PELI2: variants seen among roughly 807,000 people sequenced by gnomAD.
PELI2 encodes the protein E3 ubiquitin-protein ligase pellino homolog 2.
A neutral mutation model predicts 42.3 loss-of-function variants in PELI2; 23 were observed. The observed-to-expected ratio is 0.54, with a 90% CI of 0.39 to 0.77. The LOEUF (loss-of-function observed/expected upper bound fraction) is 0.77, where lower values mean the gene tolerates loss of function less well. Ranked by LOEUF, PELI2 falls within the 30% of genes least tolerant of loss-of-function variation. The pLI, the probability that PELI2 is intolerant of heterozygous loss-of-function variation, is 0.00. For missense variants in PELI2, 463 were observed against 553.2 expected (o/e 0.84, Z 1.64); for synonymous variants, 245 against 212.2 (o/e 1.15, Z -1.34).
chr14:56,208,820 C>G (rs963502322), intron 2 of PELI2, among the ~76,000 whole-genome samples: 2 of 152,114 alleles, frequency 1.3e-5, no homozygotes, highest in Non-Finnish European at 2.9e-5. Flanking sequence ...TCATAGAAAA[C>G]CATTTTTACC....
At chr14:56,258,826 A>G (rs550185075) in intron 2 of PELI2, among the ~76,000 whole-genome samples, 89 of 152,246 alleles carry the variant, frequency 5.8e-4, no homozygotes, top group Admixed American at 1.8e-3. Context: ...TTTTTCAAAT[A>G]TGATGAAAAT....
intron 2 of PELI2, among the ~76,000 whole-genome samples, chr14:56,253,433 A>C (rs1192200937): frequency 2.6e-5 from 4 of 152,192 alleles, no homozygotes; most frequent in Non-Finnish European, 4.4e-5. Flanking sequence ...AGATGACATG[A>C]TTGTATATTT....
intron 3 of PELI2, 21 bp downstream of exon 3, chr14:56,279,798 T>TA: frequency 7.9e-7 from 1 of 1,266,228 alleles, no homozygotes; most frequent in Non-Finnish European, 1.1e-6. Flanking sequence ...TCTTTTTTAA[T>TA]AGAAATTTTA....
intron 2 of PELI2, among the ~76,000 whole-genome samples, chr14:56,211,586 C>G (rs1212039682): frequency 6.6e-6 from 1 of 152,100 alleles, no homozygotes; most frequent in Non-Finnish European, 1.5e-5. Flanking sequence ...AGTCATAGTA[C>G]TTGTCATCAA....
At position 56,152,944 on chromosome 14, in the gene PELI2, T is replaced by C. The variant is rs183303965; in HGVS notation, c.78-25391T>C. 1.8e-3 allele frequency among the ~76,000 whole-genome samples: 276 copies of C among 152,334 alleles called. 3 individuals are homozygous for C. Among genetic ancestry groups the C allele is most frequent in the African/African-American group, 6.3e-3 (264 of 41,584 alleles). On this transcript the variant is annotated intron_variant, in intron 1 of 5. Coordinates refer to ENST00000267460, the MANE Select transcript of PELI2 (RefSeq NM_021255.3). ...CAAGACATCATCCCATGTCTTCGTC[T>C]GGTGAGGTGGGCTTTGTGGTACTGT...
chr14:56,260,748 CTT>C (rs1038647156), intron 2 of PELI2, among the ~76,000 whole-genome samples: 2 of 152,208 alleles, frequency 1.3e-5, no homozygotes, highest in Non-Finnish European at 1.5e-5. Flanking sequence ...CGAACACACT[CTT>C]TTTCTGAAGT....
intron 2 of PELI2, among the ~76,000 whole-genome samples, chr14:56,193,654 T>TA (rs1375928078): frequency 2.0e-5 from 3 of 152,358 alleles, no homozygotes; most frequent in East Asian, 3.9e-4. Context: ...TTTATAGGTT[T>TA]AAAAAATCCA....
chr14:56,268,458 G>C (rs1404091728), intron 2 of PELI2, among the ~76,000 whole-genome samples: 2 of 152,138 alleles, frequency 1.3e-5, no homozygotes, highest in African/African-American at 4.8e-5. Flanking sequence ...TCTTCTTACA[G>C]GAGACTACGG....
chr14:56,205,509 A>C (rs893067625), intron 2 of PELI2, among the ~76,000 whole-genome samples: 1 of 152,184 alleles, frequency 6.6e-6, no homozygotes, highest in African/African-American at 2.4e-5. Flanking sequence ...GGACTGAAGA[A>C]GCATGAAATC....
intron 2 of PELI2, among the ~76,000 whole-genome samples, chr14:56,224,482 C>T (rs901419167): frequency 6.6e-6 from 1 of 152,194 alleles, no homozygotes; most frequent in Non-Finnish European, 1.5e-5. Flanking sequence ...AGAAACTTAG[C>T]TGGTAAAATT....
intron 2 of PELI2, among the ~76,000 whole-genome samples, chr14:56,277,285 C>T (rs1259402531): frequency 2.0e-5 from 3 of 152,098 alleles, no homozygotes; most frequent in Admixed American, 1.3e-4. Flanking sequence ...TGAACTCCGC[C>T]TCCTGTCAGA....
rs1889656122 is a variant in PELI2, at chr14:56,286,716, G to T, written c.310-1721G>T. The stretch of plus-strand genomic sequence containing the variant: ...CATTGAGTGATTTTTCAGCAGGAAA[G>T]TGACTTAGTTTTGTTTTTTTGTTGT... On this transcript the variant is annotated intron_variant, in intron 3 of 5. Coordinates refer to ENST00000267460, the MANE Select transcript of PELI2 (RefSeq NM_021255.3). 2.0e-5 allele frequency among the ~76,000 whole-genome samples: 3 copies of T among 152,296 alleles called. No individual in the cohort carries two copies. The South Asian group carries it at 6.2e-4, about 32-fold the overall frequency.
At chr14:56,174,278 G>A (rs1885289544) in intron 1 of PELI2, among the ~76,000 whole-genome samples, 1 of 152,208 alleles carries the variant, frequency 6.6e-6, no homozygotes, top group Non-Finnish European at 1.5e-5. Flanking sequence ...GCTGCTGTCT[G>A]ATCATCTTGC....
At chr14:56,230,699 G>A (rs893026653) in intron 2 of PELI2, among the ~76,000 whole-genome samples, 1 of 152,140 alleles carries the variant, frequency 6.6e-6, no homozygotes, top group Admixed American at 6.5e-5. Context: ...CAACTAACAA[G>A]CAAAATAACC....
At chr14:56,175,941 A>G (rs757192412) in intron 1 of PELI2, among the ~76,000 whole-genome samples, 11 of 152,326 alleles carry the variant, frequency 7.2e-5, no homozygotes, top group Non-Finnish European at 1.3e-4. Context: ...TTTTTCAGCC[A>G]TATAACACTT....
At chr14:56,149,198 A>G (rs1408992845) in intron 1 of PELI2, among the ~76,000 whole-genome samples, 1 of 152,218 alleles carries the variant, frequency 6.6e-6, no homozygotes, top group Non-Finnish European at 1.5e-5. Context: ...CAGGGTTTTA[A>G]TAAAATTGAA....
At chr14:56,265,654 T>C (rs1888876140) in intron 2 of PELI2, among the ~76,000 whole-genome samples, 1 of 152,056 alleles carries the variant, frequency 6.6e-6, no homozygotes. Context: ...GTTCAGAGAA[T>C]GCAAAGACAA....
chr14:56,271,054 G>A (rs1274260211), intron 2 of PELI2, among the ~76,000 whole-genome samples: 1 of 152,152 alleles, frequency 6.6e-6, no homozygotes, highest in East Asian at 1.9e-4. Context: ...ACTGCAGTGA[G>A]GTGATGCAAT....
chr14:56,120,590 C>T (rs1222309711), intron 1 of PELI2, among the ~76,000 whole-genome samples: 1 of 152,244 alleles, frequency 6.6e-6, no homozygotes, highest in Non-Finnish European at 1.5e-5. Flanking sequence ...ACTTAGGGGG[C>T]GAGACACTCA....
Sources: allele counts gnomAD v4.1 joint callset (sites outside exome capture counted in the v4.1 genomes callset), GRCh38; gene constraint gnomAD v4.1.1; transcripts MANE v1.5; gene names NCBI Gene and HGNC (gene_info 2026-07-23, HGNC 2026-07-21).